B3GALT1: variants seen among roughly 807,000 people sequenced by gnomAD.
B3GALT1 encodes beta-1,3-galactosyltransferase 1, also known as UDP-Gal:betaGlcNAc beta 1,3-galactosyltransferase, polypeptide 1.
B3GALT1 carries 10 observed loss-of-function variants against 23.2 expected under a neutral mutation model. The ratio of observed to expected loss-of-function variants is 0.43; its 90% CI spans 0.27 to 0.73. The LOEUF is 0.73. B3GALT1 is among the 30% of genes least tolerant of loss of function. B3GALT1 has a pLI of 0.21. For missense variants in B3GALT1, 299 were observed against 405.4 expected, an observed-to-expected ratio of 0.74 and a Z score of 2.25; for synonymous variants, 156 against 141.5, an observed-to-expected ratio of 1.10 and a Z score of -0.73.
At chr2:167,684,385 A>G (rs977385695) in intron 3 of B3GALT1, among the ~76,000 whole-genome samples, 7 of 152,218 alleles carry the variant, frequency 4.6e-5, no homozygotes, top group African/African-American at 7.2e-5. Flanking sequence ...TTTAATTTCA[A>G]TAGAGGAATA....
At chr2:167,634,162 A>G (rs1685508493) in intron 2 of B3GALT1, among the ~76,000 whole-genome samples, 1 of 152,174 alleles carries the variant, frequency 6.6e-6, no homozygotes, top group Non-Finnish European at 1.5e-5. Context: ...GAGAACAAAT[A>G]CACAACATAG....
At chr2:167,792,860 ATTTT>A (rs371433634) in intron 3 of B3GALT1, among the ~76,000 whole-genome samples, 1 of 144,346 alleles carries the variant, frequency 6.9e-6, no homozygotes, top group Non-Finnish European at 1.5e-5. Flanking sequence ...GGGGAACAGA[ATTTT>A]TTTTTTTTTT....
At chr2:167,465,247 G>A (rs1001140418) in intron 1 of B3GALT1, among the ~76,000 whole-genome samples, 1 of 152,116 alleles carries the variant, frequency 6.6e-6, no homozygotes, top group Non-Finnish European at 1.5e-5. Flanking sequence ...GGTTCCAACA[G>A]TCTGTTGCCC....
intron 1 of B3GALT1, among the ~76,000 whole-genome samples, chr2:167,489,864 G>A (rs1258442786): frequency 6.6e-6 from 1 of 152,126 alleles, no homozygotes; most frequent in Admixed American, 6.6e-5. Flanking sequence ...TAAAATTAAT[G>A]TCTGGGGAAA....
intron 3 of B3GALT1, among the ~76,000 whole-genome samples, chr2:167,711,836 C>T (rs1311371785): frequency 6.6e-6 from 1 of 152,048 alleles, no homozygotes; most frequent in African/African-American, 2.4e-5. Context: ...GGTGTGGTGG[C>T]TCACACCTGT....
intron 1 of B3GALT1, among the ~76,000 whole-genome samples, chr2:167,435,430 T>G (rs1450195891): frequency 2.9e-5 from 2 of 70,122 alleles, no homozygotes; most frequent in East Asian, 6.7e-4. Context: ...AAACATATGC[T>G]TGCAAAAAAA....
intron 1 of B3GALT1, among the ~76,000 whole-genome samples, chr2:167,479,809 C>T (rs140410315): frequency 1.3e-5 from 2 of 152,094 alleles, no homozygotes; most frequent in African/African-American, 4.8e-5. Flanking sequence ...ATGCTAGCCA[C>T]GTGGTAGAAT....
At chr2:167,544,349 C>G (rs1022174791) in intron 2 of B3GALT1, among the ~76,000 whole-genome samples, 2 of 152,180 alleles carry the variant, frequency 1.3e-5, no homozygotes, top group Admixed American at 1.3e-4. Flanking sequence ...GGCCGGAGTG[C>G]AGTGGCATGA....
chr2:167,749,823 CTT>C (rs1454274300), intron 3 of B3GALT1, among the ~76,000 whole-genome samples: 2 of 152,182 alleles, frequency 1.3e-5, no homozygotes, highest in African/African-American at 4.8e-5. Context: ...CATTCTGAGT[CTT>C]TGATTATGTT....
chr2:167,391,241 A>G (rs769840074), intron 1 of B3GALT1, among the ~76,000 whole-genome samples: 1 of 152,204 alleles, frequency 6.6e-6, no homozygotes, highest in Admixed American at 6.5e-5. Flanking sequence ...GATGAACTGG[A>G]TAACAGTACA....
intron 3 of B3GALT1, among the ~76,000 whole-genome samples, chr2:167,685,026 T>A (rs1220717387): frequency 6.6e-6 from 1 of 152,220 alleles, no homozygotes; most frequent in African/African-American, 2.4e-5. Context: ...ATAAGGATAA[T>A]GTCACCTTAC....
chr2:167,686,107 A>G (rs1367899201), intron 3 of B3GALT1, among the ~76,000 whole-genome samples: 1 of 152,198 alleles, frequency 6.6e-6, no homozygotes, highest in African/African-American at 2.4e-5. Context: ...TGTTTTTAGT[A>G]TTTCATTTTG....
chr2:167,784,559 G>C (rs1161719461), intron 3 of B3GALT1, among the ~76,000 whole-genome samples: 6 of 152,120 alleles, frequency 3.9e-5, no homozygotes, highest in Non-Finnish European at 5.9e-5. Flanking sequence ...AAGCCTACTT[G>C]TACAAAGATG....
chr2:167,803,229 C>G (rs1301848552), intron 3 of B3GALT1, among the ~76,000 whole-genome samples: 2 of 152,034 alleles, frequency 1.3e-5, no homozygotes, highest in Non-Finnish European at 2.9e-5. Context: ...CAACAGTGCA[C>G]TAAACAAGAT....
chr2:167,608,126 G>A (rs1229153958), intron 2 of B3GALT1, among the ~76,000 whole-genome samples: 2 of 152,126 alleles, frequency 1.3e-5, no homozygotes, highest in Admixed American at 6.6e-5. Context: ...ATTAAATAAG[G>A]TGTAGCAAAA....
intron 2 of B3GALT1, among the ~76,000 whole-genome samples, chr2:167,563,462 T>G (rs1439833592): frequency 6.5e-5 from 7 of 107,588 alleles, no homozygotes; most frequent in Non-Finnish European, 1.1e-4. Flanking sequence ...GCAGAGGAGC[T>G]CCTCACTTCC....
At chr2:167,441,882 TA>T (rs1189827252) in intron 1 of B3GALT1, among the ~76,000 whole-genome samples, 1 of 151,786 alleles carries the variant, frequency 6.6e-6, no homozygotes, top group South Asian at 2.1e-4. Flanking sequence ...TAATTTAATT[TA>T]TTTTTTTTAT....
At chr2:167,697,836 G>A (rs898568558) in intron 3 of B3GALT1, among the ~76,000 whole-genome samples, 2 of 152,140 alleles carry the variant, frequency 1.3e-5, no homozygotes, top group Non-Finnish European at 1.5e-5. Flanking sequence ...ACAAACAAGC[G>A]AAGTGGAAGT....
intron 1 of B3GALT1, among the ~76,000 whole-genome samples, chr2:167,306,785 C>A (rs1358577895): frequency 6.6e-6 from 1 of 151,964 alleles, no homozygotes; most frequent in African/African-American, 2.4e-5. Context: ...TTTGAACATT[C>A]TCAGCTAGCT....
Sources: gnomAD v4.1 joint callset for allele counts (sites outside exome capture counted in the v4.1 genomes callset) on GRCh38, gnomAD v4.1.1 for gene constraint, MANE v1.5 for transcripts, NCBI Gene and HGNC (gene_info 2026-07-23, HGNC 2026-07-21) for gene names.